Variants in KCNH8 observed in about 807,000 individuals in gnomAD.
KCNH8 encodes voltage-gated delayed rectifier potassium channel KCNH8.
A neutral mutation model predicts 103.6 loss-of-function variants in KCNH8; 70 were observed. That is an observed-to-expected ratio of 0.68 (90% CI 0.56 to 0.82). The LOEUF (loss-of-function observed/expected upper bound fraction) is 0.82, where lower values mean the gene tolerates loss of function less well. KCNH8 is among the 40% of genes least tolerant of loss of function. The pLI is 0.00. For synonymous variants in KCNH8, 498 were observed against 489.4 expected (o/e 1.02, Z -0.23); for missense variants, 1,217 against 1,329.9 (o/e 0.92, Z 1.32).
intron 7 of KCNH8, among the ~76,000 whole-genome samples, chr3:19,432,304 C>T (rs1024035030): frequency 6.6e-6 from 1 of 152,086 alleles, no homozygotes. Flanking sequence ...ACACCCTATC[C>T]TTTTAAGTTA....
At chr3:19,443,679 C>A (rs926866247) in intron 8 of KCNH8, among the ~76,000 whole-genome samples, 13 of 151,674 alleles carry the variant, frequency 8.6e-5, no homozygotes, top group Non-Finnish European at 1.6e-4. Context: ...CTAATAGCTT[C>A]AGATGAATAT....
At chr3:19,419,490 G>A (rs1170219863) in intron 7 of KCNH8, among the ~76,000 whole-genome samples, 2 of 151,912 alleles carry the variant, frequency 1.3e-5, no homozygotes, top group Non-Finnish European at 2.9e-5. Flanking sequence ...GTGAGCCACC[G>A]CGCCCGGCCA....
rs1217578221 is a variant in KCNH8 at position 19,374,180 on chromosome 3, C to T, written c.812-16301C>T. On this transcript the variant is annotated intron_variant, in intron 5 of 15. Transcript: ENST00000328405. ...GGGTATCCTTGTTGACTTTCTGTCT[C>T]GTTGATCTGTCTAATGTTGACAGTG... Among the ~76,000 whole-genome samples, 9 of 150,464 alleles carry T rather than the reference C, an allele frequency of 6.0e-5. No individual in the cohort carries two copies. In the East Asian group the frequency reaches 1.2e-3, roughly 20 times the overall value.
intron 1 of KCNH8, among the ~76,000 whole-genome samples, chr3:19,240,286 A>G: frequency 6.6e-6 from 1 of 152,036 alleles, no homozygotes; most frequent in Admixed American, 6.6e-5. Flanking sequence ...GCTAACTCCA[A>G]ATTTCTATCT....
At chr3:19,173,008 A>G (rs2063362529) in intron 1 of KCNH8, among the ~76,000 whole-genome samples, 1 of 152,158 alleles carries the variant, frequency 6.6e-6, no homozygotes, top group African/African-American at 2.4e-5. Flanking sequence ...TAATTAAAGG[A>G]AAAAAACACA....
intron 3 of KCNH8, among the ~76,000 whole-genome samples, chr3:19,305,186 A>G (rs2065114621): frequency 1.3e-5 from 2 of 152,154 alleles, no homozygotes; most frequent in African/African-American, 4.8e-5. Flanking sequence ...GCTAGAAGAC[A>G]GTAGAGCAAT....
intron 3 of KCNH8, among the ~76,000 whole-genome samples, chr3:19,305,091 T>C (rs890215854): frequency 3.3e-5 from 5 of 151,702 alleles, no homozygotes; most frequent in Non-Finnish European, 7.4e-5. Flanking sequence ...ATAATTCGAC[T>C]TCCAGAAAAA....
chr3:19,343,152 A>G (rs2065684090), intron 4 of KCNH8, among the ~76,000 whole-genome samples: 1 of 152,122 alleles, frequency 6.6e-6, no homozygotes, highest in Non-Finnish European at 1.5e-5. Context: ...TGACCAAATC[A>G]AAGTCATTAC....
intron 3 of KCNH8, among the ~76,000 whole-genome samples, chr3:19,323,143 T>C (rs2065372966): frequency 6.6e-6 from 1 of 152,140 alleles, no homozygotes; most frequent in Admixed American, 6.6e-5. Context: ...GGTGCGTCCA[T>C]GATTGGCTTA....
chr3:19,232,517 G>A (rs2064007977), intron 1 of KCNH8, among the ~76,000 whole-genome samples: 1 of 152,210 alleles, frequency 6.6e-6, no homozygotes, highest in South Asian at 2.1e-4. Flanking sequence ...TTCAAAAAGT[G>A]ATCAGGAATT....
rs574359323 is a variant in KCNH8, at chr3:19,396,883, G to T, written c.1177+1572G>T. Among the ~76,000 whole-genome samples, 9 of 151,932 alleles carry T rather than the reference G, an allele frequency of 5.9e-5. No individual in the cohort carries two copies. In the South Asian group the frequency reaches 1.7e-3, roughly 28 times the overall value. On this transcript the variant is annotated intron_variant, in intron 7 of 15. Transcript: ENST00000328405. The stretch of plus-strand genomic sequence containing the variant: ...ATTCATATTAAAATTCTGACTTGTG[G>T]TCAGCACCTGATTCCTTTTTAGACC...
At chr3:19,257,858 G>A (rs921915931) in intron 2 of KCNH8, among the ~76,000 whole-genome samples, 11 of 152,014 alleles carry the variant, frequency 7.2e-5, no homozygotes, top group Admixed American at 3.3e-4. Context: ...GATGATAGCT[G>A]GGTTGGTTTC....
intron 3 of KCNH8, among the ~76,000 whole-genome samples, chr3:19,331,676 A>G (rs1033175609): frequency 3.9e-5 from 6 of 152,198 alleles, no homozygotes; most frequent in Admixed American, 3.9e-4. Flanking sequence ...TACAATGCAT[A>G]ATAGTCACAT....
At chr3:19,346,059 G>A (rs1191258287) in intron 4 of KCNH8, among the ~76,000 whole-genome samples, 2 of 151,920 alleles carry the variant, frequency 1.3e-5, no homozygotes, top group Non-Finnish European at 2.9e-5. Context: ...TCTGTAATAC[G>A]ATAGAAAAAA....
intron 3 of KCNH8, among the ~76,000 whole-genome samples, chr3:19,336,876 G>A (rs2065591627): frequency 1.3e-5 from 2 of 151,982 alleles, no homozygotes; most frequent in Non-Finnish European, 2.9e-5. Flanking sequence ...AGGGATATGA[G>A]AGAAAGTGGA....
chr3:19,401,296 A>G (rs2066609411), intron 7 of KCNH8, among the ~76,000 whole-genome samples: 1 of 152,000 alleles, frequency 6.6e-6, no homozygotes, highest in Admixed American at 6.6e-5. Flanking sequence ...TCCCAGTTGT[A>G]AACAACACTA....
At chr3:19,485,134 C>A (rs1009667474) in intron 11 of KCNH8, among the ~76,000 whole-genome samples, 4 of 152,108 alleles carry the variant, frequency 2.6e-5, no homozygotes, top group East Asian at 1.9e-4. Flanking sequence ...GTTTTCTGTA[C>A]CAAGTCGCTC....
At chr3:19,232,325 T>A (rs895205353) in intron 1 of KCNH8, among the ~76,000 whole-genome samples, 2 of 152,202 alleles carry the variant, frequency 1.3e-5, no homozygotes. Flanking sequence ...TCACTGAGAA[T>A]CTGGAGAAAA....
At chr3:19,277,587 A>C (rs139195407) in intron 2 of KCNH8, among the ~76,000 whole-genome samples, 1 of 152,232 alleles carries the variant, frequency 6.6e-6, no homozygotes, top group East Asian at 1.9e-4. Flanking sequence ...CTATGTATGT[A>C]TGTTTTACCT....
Sources: gnomAD v4.1 joint callset for allele counts (sites outside exome capture counted in the v4.1 genomes callset) on GRCh38, gnomAD v4.1.1 for gene constraint, MANE v1.5 for transcripts, NCBI Gene and HGNC (gene_info 2026-07-23, HGNC 2026-07-21) for gene names.